The following TMEM132B variants were observed in gnomAD, a reference collection of about 807,000 sequenced individuals.
The protein encoded by TMEM132B is transmembrane protein 132B.
A neutral mutation model predicts 90.8 loss-of-function variants in TMEM132B; 18 were observed. That is an observed-to-expected ratio of 0.20 (90% confidence interval 0.14 to 0.29). The LOEUF is 0.29. TMEM132B is among the 10% of genes least tolerant of loss of function. The pLI, the probability that TMEM132B is intolerant of heterozygous loss-of-function variation, is 1.00. For synonymous variants in TMEM132B, 504 were observed against 523.3 expected (o/e 0.96, Z 0.50); for missense variants, 1,096 against 1,326.8 (o/e 0.83, Z 2.70).
At position 125,322,793 on chromosome 12, in the gene TMEM132B, T is replaced by G. The variant is rs999830614; in HGVS notation, c.68-26659T>G. 2.0e-5 allele frequency among the ~76,000 whole-genome samples: 3 copies of G among 152,202 alleles called. No individual in the cohort carries two copies. In the East Asian group the frequency reaches 5.8e-4, roughly 29 times the overall value. On this transcript the variant is annotated intron_variant, in intron 1 of 8. Coordinates refer to ENST00000682704, the MANE Select transcript of TMEM132B (RefSeq NM_001366854.1). ...ACCCCTCAGCAATCCAGTTTTCTTTTGCACAGGCAGTCAACATGATTAGCA... is the reference window on the plus strand; with the variant it reads ...ACCCCTCAGCAATCCAGTTTTCTTTGGCACAGGCAGTCAACATGATTAGCA...
chr12:125,515,889 C>T (rs11058215), intron 3 of TMEM132B, among the ~76,000 whole-genome samples: 20,402 of 137,434 alleles, frequency 0.15, 1,903 homozygotes, highest in Admixed American at 0.32. Flanking sequence ...GACATTCTCA[C>T]GCACACATTT....
chr12:125,471,640 G>A (rs1395608793), intron 3 of TMEM132B, among the ~76,000 whole-genome samples: 1 of 152,178 alleles, frequency 6.6e-6, no homozygotes, highest in African/African-American at 2.4e-5. Context: ...ACAGCGCCCT[G>A]CTCAGTCAGG....
chr12:125,301,124 A>G (rs902442311), intron 1 of TMEM132B: 1 of 152,126 alleles, frequency 6.6e-6, no homozygotes, highest in Non-Finnish European at 1.5e-5. Flanking sequence ...AGTGGCTGAT[A>G]ATATCTCATA....
chr12:125,290,780 T>C (rs1249120427), intron 1 of TMEM132B, among the ~76,000 whole-genome samples: 1 of 152,188 alleles, frequency 6.6e-6, no homozygotes, highest in Non-Finnish European at 1.5e-5. Flanking sequence ...GTACATCTCC[T>C]TGTGTACAAA....
At chr12:125,510,224 G>A (rs1443103433) in intron 3 of TMEM132B, among the ~76,000 whole-genome samples, 1 of 152,206 alleles carries the variant, frequency 6.6e-6, no homozygotes, top group African/African-American at 2.4e-5. Context: ...ATTGTCATGG[G>A]TTTGGCAGCC....
intron 1 of TMEM132B, among the ~76,000 whole-genome samples, chr12:125,337,918 G>T (rs1877026489): frequency 1.3e-5 from 2 of 152,080 alleles, no homozygotes. Context: ...GCCATTTCTG[G>T]TTTTAGTTCT....
chr12:125,296,667 A>C (rs1486840799), intron 1 of TMEM132B, among the ~76,000 whole-genome samples: 3 of 152,246 alleles, frequency 2.0e-5, no homozygotes, highest in South Asian at 4.1e-4. Context: ...AATGCTCGGC[A>C]TAGAACCCAG....
At chr12:125,327,066 C>T (rs1876604407) in intron 1 of TMEM132B, among the ~76,000 whole-genome samples, 1 of 152,146 alleles carries the variant, frequency 6.6e-6, no homozygotes, top group East Asian at 1.9e-4. Flanking sequence ...CCACCAAAAC[C>T]TCTCTCCACC....
chr12:125,609,965 A>T (rs1885787100), intron 5 of TMEM132B, among the ~76,000 whole-genome samples: 1 of 116,398 alleles, frequency 8.6e-6, no homozygotes, highest in South Asian at 2.6e-4. Context: ...TTCTTAGTTC[A>T]TTCCTAAGTA....
chr12:125,365,373 G>A (rs1313062298), intron 2 of TMEM132B, among the ~76,000 whole-genome samples: 1 of 151,952 alleles, frequency 6.6e-6, no homozygotes, highest in Admixed American at 6.6e-5. Flanking sequence ...ATAGATATAT[G>A]TTAAAAACCC....
intron 3 of TMEM132B, among the ~76,000 whole-genome samples, chr12:125,421,781 A>C (rs1022876095): frequency 1.3e-5 from 2 of 152,252 alleles, no homozygotes; most frequent in Non-Finnish European, 2.9e-5. Flanking sequence ...CAAACAAAAA[A>C]CAATGTTGAC....
intron 1 of TMEM132B, among the ~76,000 whole-genome samples, chr12:125,313,895 C>T (rs1876184842): frequency 6.6e-6 from 1 of 151,418 alleles, no homozygotes; most frequent in African/African-American, 2.4e-5. Context: ...CCGCATATGA[C>T]CTAGCCGGTC....
chr12:125,369,306 AT>A (rs1286200643), intron 2 of TMEM132B, among the ~76,000 whole-genome samples: 6 of 152,064 alleles, frequency 3.9e-5, no homozygotes, highest in African/African-American at 1.5e-4. Context: ...AGTTTTTCCT[AT>A]TGTGAATAGT....
intron 4 of TMEM132B, among the ~76,000 whole-genome samples, chr12:125,582,419 C>T (rs1885074484): frequency 1.3e-5 from 2 of 152,108 alleles, no homozygotes; most frequent in African/African-American, 2.4e-5. Context: ...AGGTTAGGGA[C>T]TCCAAATGTG....
intron 4 of TMEM132B, among the ~76,000 whole-genome samples, chr12:125,570,638 G>A (rs187517006): frequency 3.2e-4 from 49 of 152,284 alleles, no homozygotes; most frequent in Non-Finnish European, 4.1e-4. Context: ...AATGATCCGA[G>A]TCTAAAAATA....
At chr12:125,600,788 G>A (rs527522237) in intron 5 of TMEM132B, among the ~76,000 whole-genome samples, 7 of 152,022 alleles carry the variant, frequency 4.6e-5, no homozygotes, top group Non-Finnish European at 1.0e-4. Flanking sequence ...CCAAGCAAAT[G>A]GAAAGAAATA....
At chr12:125,302,364 A>T (rs1238966162) in intron 1 of TMEM132B, among the ~76,000 whole-genome samples, 1 of 142,184 alleles carries the variant, frequency 7.0e-6, no homozygotes, top group Non-Finnish European at 1.6e-5. Context: ...GATCCTGTCT[A>T]AAAAAAAAAA....
intron 1 of TMEM132B, among the ~76,000 whole-genome samples, chr12:125,207,871 T>G (rs1873218915): frequency 6.6e-6 from 1 of 152,376 alleles, no homozygotes; most frequent in African/African-American, 2.4e-5. Flanking sequence ...CGAGGTTCAC[T>G]CATGTGTAGC....
chr12:125,370,157 G>A (rs1361771897), intron 2 of TMEM132B, among the ~76,000 whole-genome samples: 2 of 152,222 alleles, frequency 1.3e-5, no homozygotes, highest in Admixed American at 1.3e-4. Context: ...AAGATCGGCT[G>A]CATGTGGTAG....
Sources: gnomAD v4.1 joint callset for allele counts (sites outside exome capture counted in the v4.1 genomes callset) on GRCh38, gnomAD v4.1.1 for gene constraint, MANE v1.5 for transcripts, NCBI Gene and HGNC (gene_info 2026-07-23, HGNC 2026-07-21) for gene names.